The following TENT2 variants were observed in gnomAD, a reference collection of about 807,000 sequenced individuals.
TENT2 encodes the protein terminal nucleotidyltransferase 2.
TENT2 carries 44 observed loss-of-function variants against 72.2 expected under a neutral mutation model. That is an observed-to-expected ratio of 0.61 (90% CI 0.48 to 0.78). The LOEUF is 0.78. TENT2 is among the 30% of genes least tolerant of loss of function. The pLI, the probability that TENT2 is intolerant of heterozygous loss-of-function variation, is 0.00. For synonymous variants in TENT2, 212 were observed against 192.5 expected (o/e 1.10, Z -0.84); for missense variants, 541 against 569.6 (o/e 0.95, Z 0.51).
chr5:79,676,034 G>T (rs1382644542), intron 12 of TENT2, among the ~76,000 whole-genome samples: 2 of 151,804 alleles, frequency 1.3e-5, no homozygotes, highest in Non-Finnish European at 2.9e-5. Flanking sequence ...CCCTACCTAC[G>T]ACATTTGAAA....
chr5:79,640,796 A>C, intron 4 of TENT2, 55 bp from the exon 5 acceptor site: 1 of 1,052,398 alleles, frequency 9.5e-7, no homozygotes, highest in Non-Finnish European at 1.4e-6. Flanking sequence ...TCCATATAGC[A>C]ATTACTTTTA....
rs1290188759 is a variant in TENT2 at position 79,687,858 on chromosome 5, TGGAA to T, written c.*2590_*2593del. 1.3e-5 allele frequency among the ~76,000 whole-genome samples: 2 copies of T among 152,236 alleles called. No homozygotes were observed. Among genetic ancestry groups the T allele is most frequent in the South Asian group, 2.1e-4 (1 of 4,838 alleles). On this transcript the variant is annotated 3_prime_UTR_variant, in exon 15 of 15. Coordinates refer to ENST00000453514, the MANE Select transcript of TENT2 (RefSeq NM_001114394.3). Reference sequence around the variant, plus strand: ...TTGTAAGAAATTTTTAATTAAATGATGGAAGGAACATAGAATGGCTACCTGTGAT... The same window carrying T: ...TTGTAAGAAATTTTTAATTAAATGATGGAACATAGAATGGCTACCTGTGAT...
chr5:79,650,090 G>A (rs1439328821), intron 10 of TENT2, among the ~76,000 whole-genome samples: 5 of 152,100 alleles, frequency 3.3e-5, no homozygotes, highest in African/African-American at 2.4e-5. Flanking sequence ...GTAGAAGACC[G>A]TTTGCCAGGA....
chr5:79,629,203 A>G (rs919224954), intron 4 of TENT2, among the ~76,000 whole-genome samples: 2 of 152,204 alleles, frequency 1.3e-5, no homozygotes, highest in Non-Finnish European at 2.9e-5. Context: ...AGCTCCATGT[A>G]CAAATCACGT....
At chr5:79,616,218 G>A (rs1759845791) in intron 1 of TENT2, among the ~76,000 whole-genome samples, 1 of 95,340 alleles carries the variant, frequency 1.0e-5, no homozygotes, top group East Asian at 3.1e-4. Context: ...TTTTTTTTGA[G>A]ATGGAGTTTT....
At chr5:79,660,626 AATG>A (rs1203045034) in intron 11 of TENT2, among the ~76,000 whole-genome samples, 2 of 152,168 alleles carry the variant, frequency 1.3e-5, no homozygotes, top group Non-Finnish European at 2.9e-5. Flanking sequence ...TGTGCTGCAT[AATG>A]ATGTTTTGGT....
In TENT2 at chr5:79,670,992, G is replaced by C. The variant is rs184493958; in HGVS notation, c.1208+1964G>C. Among the ~76,000 whole-genome samples, 375 of 151,864 alleles carry C rather than the reference G, an allele frequency of 2.5e-3. 2 individuals are homozygous for C. Among genetic ancestry groups the C allele is most frequent in the African/African-American group, 8.8e-3 (363 of 41,384 alleles). On this transcript the variant is annotated intron_variant, in intron 12 of 14. Transcript: ENST00000453514. ...TATTATGTTATATAAATTAGGGACT[G>C]GGGGATGTTTGTGGAGGGGGAAAAG...
At chr5:79,676,406 G>GA (rs1324785561) in intron 12 of TENT2, among the ~76,000 whole-genome samples, 1 of 151,960 alleles carries the variant, frequency 6.6e-6, no homozygotes, top group Non-Finnish European at 1.5e-5. Flanking sequence ...GCCAAATAGT[G>GA]AAATGCCGTC....
At chr5:79,645,878 T>C (rs1301151923) in intron 8 of TENT2, among the ~76,000 whole-genome samples, 3 of 152,164 alleles carry the variant, frequency 2.0e-5, no homozygotes, top group Non-Finnish European at 4.4e-5. Context: ...ATCCTTATCA[T>C]TCATAGTTTG....
chr5:79,651,512 AG>A (rs1794027478), intron 10 of TENT2, among the ~76,000 whole-genome samples: 1 of 152,088 alleles, frequency 6.6e-6, no homozygotes, highest in Admixed American at 6.6e-5. Context: ...ATACCAAAAA[AG>A]CAATGATATA....
At position 79,630,817 on chromosome 5, in the gene TENT2, G is replaced by GTTT. The variant is rs34597540; in HGVS notation, c.465+7342_465+7344dup. 1.9e-3 allele frequency among the ~76,000 whole-genome samples: 259 copies of GTTT among 139,032 alleles called. 1 individual carries two copies. Among genetic ancestry groups the GTTT allele is most frequent in the African/African-American group, 5.3e-3 (196 of 36,828 alleles). The allele number at this position is 139,032 out of a possible 152,430, so 91.2% of individuals were successfully genotyped here. ...CTAATAACAGCAGTAACCTATTCAG[G>GTTT]TTTTTTTTTTTTTTTTAATGCAGGG... On this transcript the variant is annotated intron_variant, in intron 4 of 14. Coordinates refer to ENST00000453514, the MANE Select transcript of TENT2 (RefSeq NM_001114394.3).
At chr5:79,635,123 A>G (rs1267933146) in intron 4 of TENT2, among the ~76,000 whole-genome samples, 1 of 152,218 alleles carries the variant, frequency 6.6e-6, no homozygotes. Context: ...AGGATATTTC[A>G]TATTATACAT....
At chr5:79,659,203 C>T (rs890753852) in intron 11 of TENT2, among the ~76,000 whole-genome samples, 1 of 151,614 alleles carries the variant, frequency 6.6e-6, no homozygotes, top group South Asian at 2.1e-4. Flanking sequence ...TTTAATGGTC[C>T]GTCTGATGGA....
intron 8 of TENT2, among the ~76,000 whole-genome samples, chr5:79,647,044 CA>C (rs771426455): frequency 3.9e-5 from 6 of 152,278 alleles, no homozygotes; most frequent in Admixed American, 2.6e-4. Context: ...TCTGGAATTA[CA>C]GGAGTGTGCC....
intron 11 of TENT2, among the ~76,000 whole-genome samples, chr5:79,659,990 G>A (rs1428455349): frequency 6.6e-6 from 1 of 151,796 alleles, no homozygotes; most frequent in Non-Finnish European, 1.5e-5. Context: ...AGGAAACCGC[G>A]GAGTTCTTTT....
chr5:79,619,747 G>A lies in TENT2; in HGVS notation c.99G>A (p.Gln33=). Reference sequence around the variant, plus strand: ...TGTCACCTACTGTTTATTCACACCAGCAGCTTATAGATGCACAATTCAACT... The same window carrying A: ...TGTCACCTACTGTTTATTCACACCAACAGCTTATAGATGCACAATTCAACT... ...FTLSPTVYSH[Q]QLIDAQFNFQ... Residue 33 remains glutamine (Q), a synonymous_variant, in exon 2 of 15, where the codon CAG becomes CAA. Coordinates refer to ENST00000453514, the MANE Select transcript of TENT2 (RefSeq NM_001114394.3). The A allele has an allele frequency of 1.2e-6, 2 of 1,613,694 alleles. No individual in the cohort carries two copies. Among genetic ancestry groups the A allele is most frequent in the Non-Finnish European group, 1.7e-6 (2 of 1,179,794 alleles).
intron 3 of TENT2, among the ~76,000 whole-genome samples, chr5:79,622,368 A>G (rs949974440): frequency 1.3e-5 from 2 of 152,176 alleles, no homozygotes; most frequent in African/African-American, 4.8e-5. Flanking sequence ...TTTCTGTGGC[A>G]TAAAGTATTA....
Position 79,619,997 on chromosome 5 carries a change from G to A in TENT2, c.141G>A (p.Leu47=), listed in dbSNP as rs777482157. 2 of 1,605,474 alleles carry A rather than the reference G, an allele frequency of 1.2e-6. No individual in the cohort carries two copies. The highest frequency in any genetic ancestry group is 2.2e-5 in the South Asian group (2 of 89,570). The change falls in exon 3 of 15, where the codon TTG becomes TTA. Residue 47 remains leucine (L), a synonymous_variant. Coordinates refer to ENST00000453514, the MANE Select transcript of TENT2 (RefSeq NM_001114394.3). ...TTCTTTTCTTTGATTTTGTTAGCTT[G>A]TCTAGAGCTGTGTCATTACAGCAGC... ...DAQFNFQNAD[L]SRAVSLQQLT...
intron 11 of TENT2, among the ~76,000 whole-genome samples, chr5:79,661,230 C>T (rs947651322): frequency 2.6e-5 from 4 of 152,224 alleles, no homozygotes; most frequent in African/African-American, 9.6e-5. Context: ...TCTACAGTAG[C>T]GTATAGTAAT....
Sources: allele counts gnomAD v4.1 joint callset (sites outside exome capture counted in the v4.1 genomes callset), GRCh38; gene constraint gnomAD v4.1.1; transcripts MANE v1.5; gene names NCBI Gene and HGNC (gene_info 2026-07-23, HGNC 2026-07-21).